Variants in DNAH8 observed in about 807,000 individuals in gnomAD.
DNAH8 encodes dynein axonemal heavy chain 8.
DNAH8 carries 382 observed loss-of-function variants against 562.1 expected under a neutral mutation model. The observed-to-expected ratio is 0.68, with a 90% CI of 0.63 to 0.74. The LOEUF (loss-of-function observed/expected upper bound fraction) is 0.74, where lower values mean the gene tolerates loss of function less well. Ranked by LOEUF, DNAH8 falls within the 30% of genes least tolerant of loss-of-function variation. The probability of loss-of-function intolerance (pLI) is 0.00; values close to 1 mark genes in which losing one functional copy is unlikely to be tolerated. For synonymous variants in DNAH8, 1,881 were observed against 1,919.4 expected, an observed-to-expected ratio of 0.98 and a Z score of 0.52; for missense variants, 5,203 against 5,620.4, an observed-to-expected ratio of 0.93 and a Z score of 2.37.
chr6:38,896,578 A>C lies in DNAH8; in HGVS notation c.8940+353A>C, dbSNP rs138474135. The stretch of plus-strand genomic sequence containing the variant: ...TGACAGAATGAGACCCTGTCTCAAA[A>C]AAACAAACAAACAAACAAACAAACA... On this transcript the variant is annotated intron_variant, in intron 60 of 92. Coordinates refer to ENST00000327475, the MANE Select transcript of DNAH8 (RefSeq NM_001206927.2). Among the ~76,000 whole-genome samples, 1,348 of 151,360 alleles carry C rather than the reference A, an allele frequency of 8.9e-3. 17 individuals are homozygous for C. Among genetic ancestry groups the C allele is most frequent in the African/African-American group, 0.025 (1,021 of 41,230 alleles).
intron 33 of DNAH8, among the ~76,000 whole-genome samples, chr6:38,841,432 A>G (rs910131229): frequency 6.6e-6 from 1 of 152,120 alleles, no homozygotes; most frequent in African/African-American, 2.4e-5. Context: ...AATAAAATAA[A>G]ATAAAATAAA....
chr6:38,848,631 C>T lies in DNAH8; in HGVS notation c.5046-17C>T. The T allele has an allele frequency of 6.3e-7, 1 of 1,587,352 alleles. No homozygotes were observed. On this transcript the variant is annotated splice_polypyrimidine_tract_variant and intron_variant, in intron 36 of 92. Transcript: ENST00000327475. Reference sequence around the variant, plus strand: ...AATCTTCTTTGAAATGTGATTTTTTCCGTTCTTACCTTTTAGATACAATGC... The same window carrying T: ...AATCTTCTTTGAAATGTGATTTTTTTCGTTCTTACCTTTTAGATACAATGC...
At position 38,792,426 on chromosome 6, in the gene DNAH8, C is replaced by T. The variant is rs1769847252; in HGVS notation, c.2901+752C>T. On this transcript the variant is annotated intron_variant, in intron 21 of 92. Transcript: ENST00000327475. ...TACTTAGATTTTGCTTGAGTTTCAGCCTGTTCTTTCCCTTTCTAGGTCAGG... is the reference window on the plus strand; with the variant it reads ...TACTTAGATTTTGCTTGAGTTTCAGTCTGTTCTTTCCCTTTCTAGGTCAGG... 2.6e-5 allele frequency among the ~76,000 whole-genome samples: 4 copies of T among 152,168 alleles called. No individual in the cohort carries two copies. In the South Asian group the frequency reaches 8.3e-4, roughly 32 times the overall value.
chr6:38,890,483 A>G (rs943304746), intron 57 of DNAH8, among the ~76,000 whole-genome samples, 169 bp from the exon 58 acceptor site: 1 of 152,210 alleles, frequency 6.6e-6, no homozygotes, highest in Non-Finnish European at 1.5e-5. Flanking sequence ...ATCACTGCGT[A>G]CTAAGCTTGG....
intron 9 of DNAH8, among the ~76,000 whole-genome samples, chr6:38,751,857 A>C (rs967622214): frequency 9.2e-5 from 14 of 152,152 alleles, no homozygotes; most frequent in African/African-American, 3.4e-4. Context: ...TTCTTTTGTA[A>C]ATCATTTGTA....
intron 88 of DNAH8, among the ~76,000 whole-genome samples, chr6:39,003,821 C>T (rs1765630681): frequency 6.6e-6 from 1 of 152,018 alleles, no homozygotes; most frequent in African/African-American, 2.4e-5. Context: ...TCTAAAACAG[C>T]CTTATTAAAC....
At chr6:38,835,787 G>A (rs574478351) in intron 32 of DNAH8, among the ~76,000 whole-genome samples, 2 of 152,260 alleles carry the variant, frequency 1.3e-5, no homozygotes, top group South Asian at 4.1e-4. Flanking sequence ...GGCCCGGTAG[G>A]CAATAATAAG....
At chr6:38,729,005 C>T (rs974665549) in intron 3 of DNAH8, among the ~76,000 whole-genome samples, 5 of 152,128 alleles carry the variant, frequency 3.3e-5, no homozygotes, top group African/African-American at 1.2e-4. Context: ...CAGTTCAAGA[C>T]CAGCCTGGCC....
intron 24 of DNAH8, among the ~76,000 whole-genome samples, chr6:38,812,594 T>C (rs2150315462): frequency 6.6e-6 from 1 of 152,308 alleles, no homozygotes; most frequent in African/African-American, 2.4e-5. Context: ...CGAATCCGAT[T>C]TTCCTTTCCA....
At chr6:38,908,253 AC>A in intron 64 of DNAH8, 133 bp downstream of exon 64, 2 of 516,584 alleles carry the variant, frequency 3.9e-6, no homozygotes, top group Non-Finnish European at 6.4e-6. Context: ...ACACTTTTGT[AC>A]CACACAATCT....
Position 38,890,639 on chromosome 6 carries a change from G to T in DNAH8, c.8474-13G>T, listed in dbSNP as rs954912704. On this transcript the variant is annotated splice_polypyrimidine_tract_variant and intron_variant, in intron 57 of 92. Coordinates refer to ENST00000327475, the MANE Select transcript of DNAH8 (RefSeq NM_001206927.2). Reference sequence around the variant, plus strand: ...TTGGTAAGCTTATACCTTCAATCTTGCTTATCTTTCAGGAATTATTGGATG... The same window carrying T: ...TTGGTAAGCTTATACCTTCAATCTTTCTTATCTTTCAGGAATTATTGGATG... The T allele has an allele frequency of 6.4e-7, 1 of 1,562,976 alleles. No homozygotes were observed. The highest frequency in any genetic ancestry group is 8.8e-7 in the Non-Finnish European group (1 of 1,133,714).
At chr6:38,973,438 G>A (rs892526403) in intron 83 of DNAH8, among the ~76,000 whole-genome samples, 1 of 152,142 alleles carries the variant, frequency 6.6e-6, no homozygotes, top group African/African-American at 2.4e-5. Context: ...TGAACCAGGG[G>A]TGGCAGAATA....
At chr6:38,743,867 G>T (rs1045421345) in intron 8 of DNAH8, among the ~76,000 whole-genome samples, 1 of 152,066 alleles carries the variant, frequency 6.6e-6, no homozygotes, top group Non-Finnish European at 1.5e-5. Context: ...GATATATATT[G>T]TCATTTGTCT....
At chr6:39,011,409 G>A (rs1766200178) in intron 89 of DNAH8, among the ~76,000 whole-genome samples, 1 of 152,124 alleles carries the variant, frequency 6.6e-6, no homozygotes. Flanking sequence ...TCCCTTCCTT[G>A]TTCCTTTGAT....
At chr6:38,744,915 T>A (rs902816944) in intron 8 of DNAH8, among the ~76,000 whole-genome samples, 6 of 152,170 alleles carry the variant, frequency 3.9e-5, no homozygotes, top group Non-Finnish European at 8.8e-5. Context: ...GTCCTTTATA[T>A]AATATGGATA....
intron 21 of DNAH8, among the ~76,000 whole-genome samples, chr6:38,797,239 T>C (rs1447810368): frequency 2.0e-5 from 3 of 151,994 alleles, no homozygotes; most frequent in Admixed American, 1.3e-4. Context: ...ACTAAAAGTA[T>C]AAAAATTAGT....
intron 1 of DNAH8, among the ~76,000 whole-genome samples, chr6:38,716,190 T>C (rs1196485265): frequency 6.6e-6 from 1 of 150,922 alleles, no homozygotes; most frequent in African/African-American, 2.5e-5. Context: ...CTCGATCTCC[T>C]GACCTTGTGA....
chr6:38,764,298 A>G (rs1582940285), intron 11 of DNAH8: 1 of 154,164 alleles, frequency 6.5e-6, no homozygotes, highest in East Asian at 1.9e-4. Context: ...AATTGGTCAG[A>G]GGAGCATTGG....
At chr6:38,969,966 G>T (rs998556615) in intron 82 of DNAH8, among the ~76,000 whole-genome samples, 2 of 152,094 alleles carry the variant, frequency 1.3e-5, no homozygotes, top group Non-Finnish European at 2.9e-5. Context: ...GCCATTCCAA[G>T]AATCTAGGCA....
Sources: gnomAD v4.1 joint callset for allele counts (sites outside exome capture counted in the v4.1 genomes callset) on GRCh38, gnomAD v4.1.1 for gene constraint, MANE v1.5 for transcripts, NCBI Gene and HGNC (gene_info 2026-07-23, HGNC 2026-07-21) for gene names.